Variants in SLC4A4 observed in about 807,000 individuals in gnomAD.
SLC4A4 encodes the protein electrogenic sodium bicarbonate cotransporter 1.
A neutral mutation model predicts 111.5 loss-of-function variants in SLC4A4; 27 were observed. The ratio of observed to expected loss-of-function variants is 0.24; its 90% confidence interval spans 0.18 to 0.33. The LOEUF (loss-of-function observed/expected upper bound fraction) is 0.33. Ranked by LOEUF, SLC4A4 falls within the 10% of genes least tolerant of loss-of-function variation. The pLI, the probability that SLC4A4 is intolerant of heterozygous loss-of-function variation, is 1.00. For missense variants in SLC4A4, 909 were observed against 1,315.5 expected, an observed-to-expected ratio of 0.69 and a Z score of 4.78; for synonymous variants, 443 against 463.4, an observed-to-expected ratio of 0.96 and a Z score of 0.57.
At chr4:71,374,996 AT>A (rs1001033515) in intron 6 of SLC4A4, among the ~76,000 whole-genome samples, 1 of 152,166 alleles carries the variant, frequency 6.6e-6, no homozygotes, top group Non-Finnish European at 1.5e-5. Context: ...AACTTTGATT[AT>A]ACCTCCAGTA....
chr4:71,332,336 C>G (rs112257860), intron 3 of SLC4A4, among the ~76,000 whole-genome samples: 1 of 152,038 alleles, frequency 6.6e-6, no homozygotes, highest in Admixed American at 6.6e-5. Context: ...ATCTTTCTCT[C>G]CCTTCTCTTT....
intron 3 of SLC4A4, among the ~76,000 whole-genome samples, chr4:71,279,849 G>A (rs549533765): frequency 1.3e-5 from 2 of 152,084 alleles, no homozygotes; most frequent in African/African-American, 4.8e-5. Context: ...AGGCTGGAGC[G>A]CAGTGGCATG....
chr4:71,202,576 A>G lies in SLC4A4; in HGVS notation c.-2+15175A>G, dbSNP rs559249314. Reference sequence around the variant, plus strand: ...TGTACCAGTAATCCATTATTTGTATACCCTAATAAAGCCAGCGGAGTGGAG... The same window carrying G: ...TGTACCAGTAATCCATTATTTGTATGCCCTAATAAAGCCAGCGGAGTGGAG... On this transcript the variant is annotated intron_variant, in intron 1 of 25. Transcript: ENST00000264485. 2.0e-5 allele frequency among the ~76,000 whole-genome samples: 3 copies of G among 152,282 alleles called. No individual in the cohort carries two copies. In the East Asian group the frequency reaches 5.8e-4, roughly 29 times the overall value.
intron 12 of SLC4A4, 95 bp from the exon 13 acceptor site, chr4:71,466,349 A>G: frequency 2.9e-6 from 4 of 1,384,706 alleles, no homozygotes; most frequent in Non-Finnish European, 4.1e-6. Flanking sequence ...GACCCTCCTA[A>G]TAGTATATTC....
intron 4 of SLC4A4, among the ~76,000 whole-genome samples, chr4:71,343,773 GA>G (rs1252688192): frequency 6.6e-6 from 1 of 152,036 alleles, no homozygotes; most frequent in East Asian, 1.9e-4. Context: ...CTTCCTTTAT[GA>G]ATTATCTGCC....
intron 1 of SLC4A4, among the ~76,000 whole-genome samples, chr4:71,188,200 C>G (rs555122930): frequency 6.6e-6 from 1 of 152,092 alleles, no homozygotes; most frequent in African/African-American, 2.4e-5. Flanking sequence ...GCAGCAAGCA[C>G]CATAAAGACA....
At position 71,415,832 on chromosome 4, in the gene SLC4A4, G is replaced by A. The variant is rs978335718; in HGVS notation, c.807+18179G>A. Among the ~76,000 whole-genome samples the A allele has an allele frequency of 3.3e-5, 5 of 152,066 alleles. No homozygotes were observed. The South Asian group carries it at 8.3e-4, about 25-fold the overall frequency. On this transcript the variant is annotated intron_variant, in intron 7 of 25. Transcript: ENST00000264485. ...TCCCACTGATGCTTTCTTGATTCAGGGCCCCATAGTGTTCCTCCATTTAAC... is the reference window on the plus strand; with the variant it reads ...TCCCACTGATGCTTTCTTGATTCAGAGCCCCATAGTGTTCCTCCATTTAAC...
At chr4:71,449,564 T>C (rs1302255783) in intron 9 of SLC4A4, among the ~76,000 whole-genome samples, 1 of 152,228 alleles carries the variant, frequency 6.6e-6, no homozygotes, top group Non-Finnish European at 1.5e-5. Flanking sequence ...TTAAAAATTC[T>C]TTTCCTAGAG....
intron 15 of SLC4A4, among the ~76,000 whole-genome samples, chr4:71,492,477 T>A (rs1339655773): frequency 1.3e-5 from 2 of 151,950 alleles, no homozygotes; most frequent in Admixed American, 1.3e-4. Context: ...ACAGTTAAGA[T>A]CCTCAGCAAC....
intron 6 of SLC4A4, among the ~76,000 whole-genome samples, chr4:71,380,629 A>T (rs183486106): frequency 5.9e-5 from 9 of 152,354 alleles, no homozygotes; most frequent in Admixed American, 5.2e-4. Context: ...GGTTATTATC[A>T]TGAGTAAGAA....
chr4:71,279,540 C>T (rs950294622), intron 3 of SLC4A4, among the ~76,000 whole-genome samples: 2 of 151,766 alleles, frequency 1.3e-5, no homozygotes, highest in African/African-American at 4.8e-5. Context: ...GTGTTGATTC[C>T]ATATGTTGGC....
chr4:71,397,198 T>C (rs1368970124), intron 6 of SLC4A4, among the ~76,000 whole-genome samples: 1 of 152,310 alleles, frequency 6.6e-6, no homozygotes, highest in African/African-American at 2.4e-5. Flanking sequence ...ACAGCCGCTC[T>C]CTGCAGGCAA....
upstream of SLC4A4, among the ~76,000 whole-genome samples, chr4:71,182,980 G>A (rs1018695406): frequency 6.6e-6 from 1 of 152,080 alleles, no homozygotes; most frequent in Non-Finnish European, 1.5e-5. Flanking sequence ...CTGAAACATT[G>A]GCCTAAGGTT....
At chr4:71,398,089 C>G (rs1719993820) in intron 7 of SLC4A4, among the ~76,000 whole-genome samples, 1 of 151,892 alleles carries the variant, frequency 6.6e-6, no homozygotes, top group Non-Finnish European at 1.5e-5. Flanking sequence ...AGTTGAAGAC[C>G]AGTCTGGCCA....
At chr4:71,242,210 C>T (rs562306088) in intron 2 of SLC4A4, among the ~76,000 whole-genome samples, 2 of 152,276 alleles carry the variant, frequency 1.3e-5, no homozygotes, top group East Asian at 1.9e-4. Context: ...CCAAATTGCA[C>T]GTGGTACTTG....
At chr4:71,190,813 A>G (rs1017481036) in intron 1 of SLC4A4, among the ~76,000 whole-genome samples, 1 of 152,234 alleles carries the variant, frequency 6.6e-6, no homozygotes, top group African/African-American at 2.4e-5. Flanking sequence ...AAGGAGAGAT[A>G]AAACTTTTTC....
chr4:71,297,039 A>G (rs2148833878), intron 3 of SLC4A4, among the ~76,000 whole-genome samples: 1 of 152,352 alleles, frequency 6.6e-6, no homozygotes, highest in African/African-American at 2.4e-5. Flanking sequence ...TGGCTCAACT[A>G]GTTGGCCACC....
Position 71,349,997 on chromosome 4 carries a change from T to G in SLC4A4, c.475T>G (p.Phe159Val). ...GGCCACATTGTCCCTTCATAGTTTA[T>G]TTGAGCTGAGGACATGTATGGAGAA... ...HVATLSLHSL[F>V]ELRTCMEKGS... The change falls in exon 5 of 26, where the codon TTT (phenylalanine) becomes GTT (valine). Residue 159 changes from phenylalanine to valine, a missense_variant. Transcript: ENST00000264485. The G allele has an allele frequency of 6.2e-7, 1 of 1,614,116 alleles. No individual in the cohort carries two copies. The highest frequency in any genetic ancestry group is 1.1e-5 in the South Asian group (1 of 91,082).
chr4:71,494,237 C>T (rs1038758594), intron 15 of SLC4A4, among the ~76,000 whole-genome samples: 3 of 152,090 alleles, frequency 2.0e-5, no homozygotes, highest in South Asian at 2.1e-4. Context: ...TTACACGCAT[C>T]GTAAGGAAAA....
Sources: gnomAD v4.1 joint callset for allele counts (sites outside exome capture counted in the v4.1 genomes callset) on GRCh38, gnomAD v4.1.1 for gene constraint, MANE v1.5 for transcripts, NCBI Gene and HGNC (gene_info 2026-07-23, HGNC 2026-07-21) for gene names.